CIMAP1A: variants seen among roughly 807,000 people sequenced by gnomAD.
CIMAP1A encodes the protein ciliary microtubule associated protein 1A, also known as cancer/testis antigen 135.
At chr11:199,590 G>A in the CIMAP1A span, 11 of 1,494,484 alleles carry the variant, frequency 7.4e-6, no homozygotes, top group Non-Finnish European at 9.8e-6. Flanking sequence ...GAGCAGGGAG[G>A]GGGGCTGGGA....
At chr11:197,879 C>T in the CIMAP1A span, 1 of 1,488,944 alleles carries the variant, frequency 6.7e-7, no homozygotes, top group East Asian at 2.5e-5. Flanking sequence ...CCTGGCCCCT[C>T]CCGTCCCATC....
At chr11:198,230 C>A in the CIMAP1A span, 3 of 1,613,898 alleles carry the variant, frequency 1.9e-6, no homozygotes, top group Non-Finnish European at 2.5e-6. Flanking sequence ...CCACCAAGTA[C>A]GTGTTCGACT....
chr11:198,399 G>A, the CIMAP1A span: 47 of 1,613,050 alleles, frequency 2.9e-5, no homozygotes, highest in Non-Finnish European at 3.8e-5. Context: ...CCAGAGTTGG[G>A]GGAGAGCCCC....
At chr11:198,540 C>T in the CIMAP1A span, 13 of 1,612,740 alleles carry the variant, frequency 8.1e-6, no homozygotes, top group Non-Finnish European at 1.1e-5. Context: ...CCTTTTCCAT[C>T]AAGGGCCGCA....
chr11:197,882 G>A, the CIMAP1A span: 131 of 1,487,720 alleles, frequency 8.8e-5, no homozygotes, highest in East Asian at 3.0e-4. Flanking sequence ...GGCCCCTCCC[G>A]TCCCATCTTT....
chr11:197,317 G>A, the CIMAP1A span: 3 of 1,581,640 alleles, frequency 1.9e-6, no homozygotes, highest in Non-Finnish European at 2.6e-6. Flanking sequence ...GACGGAGGAG[G>A]TATGGATGGG....
chr11:199,263 A>G, the CIMAP1A span: 1 of 1,500,690 alleles, frequency 6.7e-7, no homozygotes, highest in African/African-American at 1.4e-5. Context: ...CACGGGCACC[A>G]ACTTGTAGCT....
the CIMAP1A span, chr11:200,071 C>T: frequency 6.2e-7 from 1 of 1,604,908 alleles, no homozygotes; most frequent in East Asian, 2.2e-5. Flanking sequence ...CCGGCATCTA[C>T]ACAAGATCCG....
At chr11:199,899 T>G in the CIMAP1A span, 1 of 1,607,252 alleles carries the variant, frequency 6.2e-7, no homozygotes, top group Middle Eastern at 1.7e-4. Context: ...GACCTGCAGG[T>G]GGGGGCAGGG....
chr11:197,500 C>G, the CIMAP1A span: 1 of 1,594,352 alleles, frequency 6.3e-7, no homozygotes, highest in Admixed American at 1.7e-5. Flanking sequence ...CAATCCCTGA[C>G]TCCCAGCGGG....
At chr11:199,643 C>A in the CIMAP1A span, 3 of 1,356,478 alleles carry the variant, frequency 2.2e-6, no homozygotes, top group South Asian at 3.1e-5. Flanking sequence ...AAGGACACAG[C>A]CAAGAAGGGG....
chr11:200,063 G>A, the CIMAP1A span: 61 of 1,609,794 alleles, frequency 3.8e-5, no homozygotes, highest in African/African-American at 4.5e-4. Flanking sequence ...CATCACACCC[G>A]GCATCTACAC....
At chr11:197,240 C>A in the CIMAP1A span, 1 of 1,181,604 alleles carries the variant, frequency 8.5e-7, no homozygotes, top group Non-Finnish European at 1.2e-6. Context: ...CATCAGGGGC[C>A]GGCATGGGAC....
the CIMAP1A span, chr11:197,796 AGCCTCAGGCCTGCCCCTCCCTGCTG>A: frequency 1.2e-6 from 2 of 1,603,840 alleles, no homozygotes; most frequent in Non-Finnish European, 1.7e-6. Context: ...TGCCCTGCGC[AGCCTCAGGCCTGCCCCTCCCTGCTG>A]GGTGCCCCTA....
the CIMAP1A span, chr11:199,607 C>T: frequency 9.3e-6 from 11 of 1,187,018 alleles, no homozygotes; most frequent in South Asian, 6.3e-5. Context: ...GGGACACAGA[C>T]GAGGGGAAAC....
At chr11:197,993 A>G in the CIMAP1A span, 25 of 1,535,404 alleles carry the variant, frequency 1.6e-5, no homozygotes, top group East Asian at 2.4e-5. Flanking sequence ...GTCAGACCCC[A>G]CTCTCCCTGC....
the CIMAP1A span, chr11:199,621 GTCA>G: frequency 7.9e-7 from 1 of 1,261,464 alleles, no homozygotes; most frequent in South Asian, 1.5e-5. Context: ...GGGAAACAGG[GTCA>G]GGCTATGGAA....
the CIMAP1A span, chr11:199,339 G>A: frequency 1.0e-5 from 16 of 1,555,882 alleles, no homozygotes; most frequent in South Asian, 2.4e-5. Flanking sequence ...TGGGTAGGCC[G>A]AGTTGGTCTG....
At chr11:197,481 C>T in the CIMAP1A span, 9 of 1,590,600 alleles carry the variant, frequency 5.7e-6, no homozygotes, top group Non-Finnish European at 7.7e-6. Context: ...CCGGGAAGGG[C>T]CTGGGGCTCA....
Sources: allele counts gnomAD v4.1 joint callset, GRCh38; gene constraint gnomAD v4.1.1; transcripts MANE v1.5; gene names NCBI Gene and HGNC (gene_info 2026-07-23, HGNC 2026-07-21).